Variants in IRF4 observed in about 807,000 individuals in gnomAD.
IRF4 encodes the protein lymphocyte-specific interferon regulatory factor.
IRF4 carries 13 observed loss-of-function variants against 55.5 expected under a neutral mutation model. That is an observed-to-expected ratio of 0.23 (90% confidence interval 0.15 to 0.37). The LOEUF (loss-of-function observed/expected upper bound fraction) is 0.37. Among genes scored for constraint, IRF4 ranks in the 10% least tolerant of loss-of-function variants. The pLI is 1.00. For missense variants in IRF4, 397 were observed against 593.8 expected (o/e 0.67, Z 3.44); for synonymous variants, 249 against 240.7 (o/e 1.03, Z -0.32).
chr6:407,915 GAGA>G lies in IRF4; in HGVS notation c.*319_*321del. 3.1e-6 allele frequency: 1 copy of G among 326,232 alleles called. No individual in the cohort carries two copies. The highest frequency in any genetic ancestry group is 2.1e-5 in the African/African-American group (1 of 46,648). The allele number at this position is 326,232 out of a possible 1,614,324, so 20.2% of individuals were successfully genotyped here. ...TGGAGATTTCAGTTCAGCGGTTGAGGAGAATTGCGGCGAGACAAGCATGGAAAA... is the reference window on the plus strand; with the variant it reads ...TGGAGATTTCAGTTCAGCGGTTGAGGATTGCGGCGAGACAAGCATGGAAAA... On this transcript the variant is annotated 3_prime_UTR_variant, in exon 9 of 9. Transcript: ENST00000380956.
chr6:409,971 A>G lies in IRF4; in HGVS notation c.*2373A>G, dbSNP rs1012943797. On this transcript the variant is annotated 3_prime_UTR_variant, in exon 9 of 9. Transcript: ENST00000380956. Reference sequence around the variant, plus strand: ...GGCTGGGGCCACTACCTCCTTTCCTATCTTTACATCTATGTGTATGTTGAC... The same window carrying G: ...GGCTGGGGCCACTACCTCCTTTCCTGTCTTTACATCTATGTGTATGTTGAC... The G allele has an allele frequency of 4.4e-5, 10 of 229,022 alleles. No homozygotes were observed. In the East Asian group the frequency reaches 5.6e-4, roughly 13 times the overall value. The allele number at this position is 229,022 out of a possible 1,614,324, so 14.2% of individuals were successfully genotyped here. A position where few individuals can be genotyped will look rare whatever the true frequency, so the allele number is the denominator to read the frequency against.
chr6:394,652 A>C (rs1409320250), intron 2 of IRF4, among the ~76,000 whole-genome samples, 169 bp from the exon 3 acceptor site: 1 of 152,212 alleles, frequency 6.6e-6, no homozygotes, highest in Non-Finnish European at 1.5e-5. Flanking sequence ...GCTACTCTAG[A>C]GGCTGAGATA....
chr6:397,156 T>C lies in IRF4; in HGVS notation c.541T>C (p.Tyr181His), dbSNP rs866516667. The C allele has an allele frequency of 3.1e-5, 50 of 1,614,148 alleles. No homozygotes were observed. In the Admixed American group the frequency reaches 4.7e-4, roughly 15 times the overall value. The change falls in exon 5 of 9, where the codon TAC (tyrosine) becomes CAC (histidine). Residue 181 changes from tyrosine (Y) to histidine (H), a missense_variant. Tyr to His is a moderately conservative substitution (Grantham distance 83). Coordinates refer to ENST00000380956, the MANE Select transcript of IRF4 (RefSeq NM_002460.4). ...ACCCCTCGACCGAAGCTGGAGGGAC[T>C]ACGTCCCGGATCAGCCACACCCGGA... ...MPPLDRSWRD[Y>H]VPDQPHPEIP...
chr6:398,615 C>T (rs979164374), intron 5 of IRF4, among the ~76,000 whole-genome samples: 1 of 152,176 alleles, frequency 6.6e-6, no homozygotes, highest in Non-Finnish European at 1.5e-5. Flanking sequence ...TGCACTGGCT[C>T]GTTTCTCCAT....
chr6:410,572 G>A lies in IRF4; in HGVS notation c.*2974G>A, dbSNP rs1761673282. ...TTGAAAAAGCTGGTCTTTGAGCGAG[G>A]GCATAAATACAGCTAGCCCCAGGGG... On this transcript the variant is annotated 3_prime_UTR_variant, in exon 9 of 9. Transcript: ENST00000380956. The A allele has an allele frequency of 8.7e-6, 2 of 230,722 alleles. No homozygotes were observed. Among genetic ancestry groups the A allele is most frequent in the Non-Finnish European group, 1.7e-5 (2 of 116,418 alleles). 14.3% of individuals were successfully genotyped at this position (230,722 alleles called of 1,614,324 possible).
intron 7 of IRF4, among the ~76,000 whole-genome samples, chr6:404,683 C>T (rs1581230485): frequency 6.6e-6 from 1 of 152,204 alleles, no homozygotes; most frequent in Admixed American, 6.5e-5. Flanking sequence ...TGCGTGACTA[C>T]GTTTCTTGTT....
intron 5 of IRF4, 104 bp from the exon 6 acceptor site, chr6:398,724 C>T (rs1761327933): frequency 8.3e-6 from 6 of 723,450 alleles, no homozygotes; most frequent in Non-Finnish European, 1.1e-5. Flanking sequence ...GGTGATTGGG[C>T]GCCAGCCCCT....
intron 6 of IRF4, among the ~76,000 whole-genome samples, chr6:400,791 T>TACAC (rs5873749): frequency 3.1e-4 from 46 of 150,268 alleles, no homozygotes; most frequent in African/African-American, 9.5e-4. Flanking sequence ...TTTATATATG[T>TACAC]ACACACACAC....
rs374231657 is a variant in IRF4, at chr6:405,137, C to T, written c.1212+7C>T. On this transcript the variant is annotated splice_region_variant and intron_variant, in intron 8 of 8. Transcript: ENST00000380956. ...AAAGCTCATCACAGCTCACGTGAGTCCTCAGTTACACTCCTACCATAGTGG... is the reference window on the plus strand; with the variant it reads ...AAAGCTCATCACAGCTCACGTGAGTTCTCAGTTACACTCCTACCATAGTGG... 19 of 1,468,288 alleles carry T rather than the reference C, an allele frequency of 1.3e-5. No individual in the cohort carries two copies. In the African/African-American group the frequency reaches 1.9e-4, roughly 15 times the overall value. 91.0% of individuals were successfully genotyped at this position (1,468,288 alleles called of 1,614,324 possible).
intron 1 of IRF4, among the ~76,000 whole-genome samples, chr6:392,167 G>A (rs544740276): frequency 1.4e-4 from 21 of 152,256 alleles, no homozygotes; most frequent in Non-Finnish European, 2.8e-4. Context: ...ACAACTGCCT[G>A]CGAGAAACAG....
intron 4 of IRF4, 43 bp from the exon 5 acceptor site, chr6:397,065 A>C (rs201150182): frequency 1.3e-6 from 2 of 1,561,882 alleles, no homozygotes; most frequent in Admixed American, 3.5e-5. Flanking sequence ...CCCCCGTCTC[A>C]ATGCCAGTGC....
Position 393,189 on chromosome 6 carries a change from G to C in IRF4, c.37G>C (p.Gly13Arg). ...GGGCGGCGGCCGAGGCGGAGAGTTCGGCATGAGCGCGGTGAGCTGCGGCAA... is the reference window on the plus strand; with the variant it reads ...GGGCGGCGGCCGAGGCGGAGAGTTCCGCATGAGCGCGGTGAGCTGCGGCAA... Reference protein sequence around the residue: ...LEGGGRGGEFGMSAVSCGNGK... With the variant: ...LEGGGRGGEFRMSAVSCGNGK... Residue 13 changes from glycine to arginine, a missense_variant, in exon 2 of 9, where the codon GGC (glycine) becomes CGC (arginine). Transcript: ENST00000380956. The surrounding 1 kb of genome is among the most constrained non-coding windows in gnomAD (Gnocchi z 5.4). 1 of 1,554,958 alleles carries C rather than the reference G, an allele frequency of 6.4e-7. No individual in the cohort carries two copies. Among genetic ancestry groups the C allele is most frequent in the Non-Finnish European group, 8.7e-7 (1 of 1,149,076 alleles).
chr6:398,773 G>A (rs564979546), intron 5 of IRF4, 55 bp from the exon 6 acceptor site: 88 of 1,332,008 alleles, frequency 6.6e-5, no homozygotes, highest in African/African-American at 4.8e-4. Context: ...AGGAAGCCCC[G>A]CGGTGCGTCG....
chr6:396,249 C>T (rs1022884795), intron 4 of IRF4, among the ~76,000 whole-genome samples: 5 of 152,258 alleles, frequency 3.3e-5, no homozygotes, highest in African/African-American at 9.6e-5. Context: ...AACCACAGGG[C>T]AGCTGATCTC....
At chr6:407,063 AGC>A (rs1761565403) in intron 8 of IRF4, among the ~76,000 whole-genome samples, 1 of 152,198 alleles carries the variant, frequency 6.6e-6, no homozygotes, top group Non-Finnish European at 1.5e-5. Flanking sequence ...ATTCAGGATG[AGC>A]TCCTTGTTTC....
intron 7 of IRF4, among the ~76,000 whole-genome samples, chr6:404,738 C>T (rs545167234): frequency 1.1e-4 from 17 of 152,344 alleles, no homozygotes; most frequent in African/African-American, 3.8e-4. Context: ...TTTGAATCTT[C>T]GTGGGTCCAA....
chr6:404,632 A>C (rs2001508), intron 7 of IRF4, among the ~76,000 whole-genome samples: 32,610 of 152,224 alleles, frequency 0.21, 3,931 homozygotes, highest in East Asian at 0.37. Flanking sequence ...CTGATTTTTT[A>C]AATGAAAACT....
chr6:393,385 G>A lies in IRF4; in HGVS notation c.216+17G>A. 1.9e-6 allele frequency: 3 copies of A among 1,544,130 alleles called. No homozygotes were observed. Among genetic ancestry groups the A allele is most frequent in the Non-Finnish European group, 2.6e-6 (3 of 1,142,262 alleles). ...CTCTTCAAGGTCTCCGGCCTCGGGA[G>A]CCGGCGGGGGCGCGCCGGGGAGGGC... On this transcript the variant is annotated intron_variant, in intron 2 of 8. Transcript: ENST00000380956. The surrounding 1 kb of genome is among the most constrained non-coding windows in gnomAD (Gnocchi z 5.4).
At chr6:406,914 C>A in intron 8 of IRF4, 1 of 1,055,072 alleles carries the variant, frequency 9.5e-7, no homozygotes, top group South Asian at 2.8e-5. Flanking sequence ...GTGTGATCCA[C>A]GCTAATAACC....
Sources: gnomAD v4.1 joint callset for allele counts (sites outside exome capture counted in the v4.1 genomes callset) on GRCh38, gnomAD v4.1.1 for gene constraint, Gnocchi (gnomAD v3.1) non-coding constraint, MANE v1.5 for transcripts, NCBI Gene and HGNC (gene_info 2026-07-23, HGNC 2026-07-21) for gene names.